FLNB: variants seen among roughly 807,000 people sequenced by gnomAD.
FLNB encodes the protein filamin B, also known as filamin-B.
Under a neutral mutation model 250.6 loss-of-function variants are expected in FLNB, and 111 were observed. The observed-to-expected ratio is 0.44, with a 90% CI of 0.38 to 0.52. FLNB has a LOEUF of 0.52. Among genes scored for constraint, FLNB ranks in the 20% least tolerant of loss-of-function variants. The pLI is 0.00. For missense variants in FLNB, 2,869 were observed against 3,447.8 expected (o/e 0.83, Z 4.20); for synonymous variants, 1,302 against 1,372.1 (o/e 0.95, Z 1.13).
intron 1 of FLNB, among the ~76,000 whole-genome samples, chr3:58,073,824 G>A (rs2097198055): frequency 6.6e-6 from 1 of 152,204 alleles, no homozygotes; most frequent in Non-Finnish European, 1.5e-5. Flanking sequence ...TTGTCCCACT[G>A]ACAGGTCCCA....
intron 28 of FLNB, among the ~76,000 whole-genome samples, chr3:58,137,756 C>T (rs2097319005): frequency 1.3e-5 from 2 of 152,184 alleles, no homozygotes; most frequent in African/African-American, 4.8e-5. Context: ...TTAGGAAGCC[C>T]TTTGTCAGTG....
chr3:58,010,048 A>G (rs982456412), intron 1 of FLNB, among the ~76,000 whole-genome samples: 3 of 140,984 alleles, frequency 2.1e-5, no homozygotes, highest in African/African-American at 7.8e-5. Flanking sequence ...AAGAGTTTGC[A>G]TGTACACGGA....
intron 1 of FLNB, among the ~76,000 whole-genome samples, chr3:58,042,345 GT>G (rs541022128): frequency 0.013 from 1,703 of 130,482 alleles, 17 homozygotes; most frequent in Middle Eastern, 0.017. Flanking sequence ...GTCTCTGTAG[GT>G]TTTTTTTTTT....
At chr3:58,117,805 T>C (rs2097281362) in intron 18 of FLNB, among the ~76,000 whole-genome samples, 1 of 149,678 alleles carries the variant, frequency 6.7e-6, no homozygotes. Flanking sequence ...TTTTTTTTTT[T>C]CTTGGCCTTT....
At chr3:58,168,300 G>A in intron 43 of FLNB, 140 bp from the exon 44 acceptor site, 1 of 732,010 alleles carries the variant, frequency 1.4e-6, no homozygotes, top group East Asian at 2.7e-5. Flanking sequence ...CAGAAGTTCA[G>A]AGCTAGTGCC....
intron 1 of FLNB, among the ~76,000 whole-genome samples, chr3:58,009,186 A>G (rs1040426041): frequency 1.3e-3 from 195 of 152,262 alleles, no homozygotes; most frequent in African/African-American, 4.4e-3. Flanking sequence ...CTAGGGGACT[A>G]GAAACCCTCG....
intron 45 of FLNB, 163 bp from the exon 46 acceptor site, chr3:58,170,412 C>T: frequency 3.0e-6 from 2 of 671,426 alleles, no homozygotes; most frequent in South Asian, 3.5e-5. Context: ...CGAACCCACA[C>T]CGTCAGGCTC....
In FLNB at chr3:58,159,624, A is replaced by T. The variant is rs1237946326; in HGVS notation, c.6959A>T (p.Asp2320Val). ...TTGAATGGCGCAAAAGGCAAGATTG[A>T]TGCAAAGGTGCACAGCCCCTCTGGA... ...IRLNGAKGKI[D>V]AKVHSPSGAV... The change falls in exon 42 of 46, where the codon GAT becomes GTT. Residue 2320 changes from aspartate to valine, a missense_variant. By Grantham distance (152) the Asp-to-Val change is radical. Coordinates refer to ENST00000295956, the MANE Select transcript of FLNB (RefSeq NM_001457.4). 1.2e-6 allele frequency: 2 copies of T among 1,614,098 alleles called. No homozygotes were observed. Among genetic ancestry groups the T allele is most frequent in the Non-Finnish European group, 1.7e-6 (2 of 1,180,030 alleles).
intron 36 of FLNB, 36 bp downstream of exon 36, chr3:58,148,888 T>C (rs1308545615): frequency 1.3e-6 from 2 of 1,582,166 alleles, no homozygotes; most frequent in African/African-American, 1.3e-5. Flanking sequence ...CCAGAGCTTG[T>C]GGGAACCGAC....
At chr3:58,097,741 G>A (rs1265952276) in intron 6 of FLNB, 74 bp from the exon 7 acceptor site, 1 of 1,382,884 alleles carries the variant, frequency 7.2e-7, no homozygotes, top group South Asian at 1.2e-5. Context: ...GATCATCAAT[G>A]TATGTGGCTT....
chr3:58,090,536 C>T (rs1277130295), intron 4 of FLNB, among the ~76,000 whole-genome samples: 1 of 152,118 alleles, frequency 6.6e-6, no homozygotes, highest in Non-Finnish European at 1.5e-5. Flanking sequence ...ATACCAGCAT[C>T]ATCACAAATA....
chr3:58,153,711 T>C, intron 39 of FLNB, 70 bp downstream of exon 39: 4 of 1,572,640 alleles, frequency 2.5e-6, no homozygotes, highest in South Asian at 1.1e-5. Flanking sequence ...GGCACCCACA[T>C]ACTTTTTTGC....
chr3:58,045,861 G>A lies in FLNB; in HGVS notation c.293-31185G>A, dbSNP rs114624800. 4.0e-3 allele frequency among the ~76,000 whole-genome samples: 615 copies of A among 152,118 alleles called. 3 individuals are homozygous for A. Among genetic ancestry groups the A allele is most frequent in the African/African-American group, 0.014 (580 of 41,498 alleles). On this transcript the variant is annotated intron_variant, in intron 1 of 45. Transcript: ENST00000295956. ...CTAAAAATATAAAAATTAGCCGGGC[G>A]TGGTAGTGTACGCCTGTAGTCTTAG...
intron 1 of FLNB, among the ~76,000 whole-genome samples, chr3:58,075,084 C>T (rs2097199832): frequency 1.3e-5 from 2 of 152,006 alleles, no homozygotes; most frequent in African/African-American, 4.8e-5. Flanking sequence ...GGCTCTCACC[C>T]TTTCATTTTT....
chr3:58,166,984 T>G (rs1450986147), intron 43 of FLNB, among the ~76,000 whole-genome samples: 1 of 151,976 alleles, frequency 6.6e-6, no homozygotes, highest in African/African-American at 2.4e-5. Context: ...AAAAATTAGC[T>G]GGGCATGGTG....
At chr3:58,054,263 TAAATC>T (rs2097166998) in intron 1 of FLNB, among the ~76,000 whole-genome samples, 1 of 152,224 alleles carries the variant, frequency 6.6e-6, no homozygotes, top group African/African-American at 2.4e-5. Flanking sequence ...CTAAATTAAT[TAAATC>T]AAATTTAAAA....
At position 58,170,936 on chromosome 3, in the gene FLNB, T is replaced by C. The variant is rs2097381623; in HGVS notation, c.*174T>C. The C allele has an allele frequency of 3.2e-6, 2 of 629,446 alleles. No homozygotes were observed. Among genetic ancestry groups the C allele is most frequent in the Non-Finnish European group, 5.6e-6 (2 of 360,146 alleles). 39.0% of individuals were successfully genotyped at this position (629,446 alleles called of 1,614,324 possible). A position where few individuals can be genotyped will look rare whatever the true frequency, so the allele number is the denominator to read the frequency against. ...TCCTAGACTGGACTCTTGAGGGACA[T>C]ATTGGAGAATCTTAAGAAATGCAAG... On this transcript the variant is annotated 3_prime_UTR_variant, in exon 46 of 46. Transcript: ENST00000295956.
chr3:58,128,542 G>A (rs553213105), intron 24 of FLNB, among the ~76,000 whole-genome samples: 16 of 152,242 alleles, frequency 1.1e-4, no homozygotes, highest in African/African-American at 3.4e-4. Context: ...AATGGGGCTC[G>A]GTGACAGAAT....
At chr3:58,049,147 C>T (rs771026111) in intron 1 of FLNB, among the ~76,000 whole-genome samples, 4 of 152,204 alleles carry the variant, frequency 2.6e-5, no homozygotes, top group Non-Finnish European at 4.4e-5. Flanking sequence ...CAAGTCGTTG[C>T]GTAGGACATA....
Sources: gnomAD v4.1 joint callset for allele counts (sites outside exome capture counted in the v4.1 genomes callset) on GRCh38, gnomAD v4.1.1 for gene constraint, MANE v1.5 for transcripts, NCBI Gene and HGNC (gene_info 2026-07-23, HGNC 2026-07-21) for gene names.